The following CMIP variants were observed in gnomAD, a reference collection of about 807,000 sequenced individuals.
The protein encoded by CMIP is C-Maf-inducing protein.
Under a neutral mutation model 97.3 loss-of-function variants are expected in CMIP, and 13 were observed. The observed-to-expected ratio is 0.13, with a 90% CI of 0.09 to 0.21. The LOEUF is 0.21. Ranked by LOEUF, CMIP falls within the 10% of genes least tolerant of loss-of-function variation. The probability of loss-of-function intolerance (pLI) is 1.00; values close to 1 mark genes in which losing one functional copy is unlikely to be tolerated. For missense variants in CMIP, 847 were observed against 1,024.9 expected (o/e 0.83, Z 2.37); for synonymous variants, 538 against 436.3 (o/e 1.23, Z -2.91).
chr16:81,520,301 C>T (rs1274581536), intron 1 of CMIP: 1 of 152,166 alleles, frequency 6.6e-6, no homozygotes, highest in East Asian at 1.9e-4. Context: ...TGGTTTCTAC[C>T]TCAGAGACTC....
chr16:81,514,333 G>A (rs2089870005), intron 1 of CMIP, among the ~76,000 whole-genome samples: 1 of 152,122 alleles, frequency 6.6e-6, no homozygotes, highest in South Asian at 2.1e-4. Context: ...TCAGGGTGAG[G>A]GAAGCTTCCA....
rs181286885 is a variant in CMIP at position 81,554,764 on chromosome 16, G to A, written c.301-52803G>A. ...CTCAGTTCTTTGTCTGTAGAATGGA[G>A]ATAATCGTTATATCTGGTAAGACTC... On this transcript the variant is annotated intron_variant, in intron 1 of 20. Transcript: ENST00000537098. Among the ~76,000 whole-genome samples the A allele has an allele frequency of 2.1e-3, 326 of 152,346 alleles. 1 individual carries two copies. The highest frequency in any genetic ancestry group is 3.4e-3 in the Non-Finnish European group (229 of 68,030).
intron 1 of CMIP, among the ~76,000 whole-genome samples, chr16:81,581,716 G>T (rs1327845557): frequency 6.6e-6 from 1 of 152,200 alleles, no homozygotes; most frequent in East Asian, 1.9e-4. Context: ...CCCTGAGGTT[G>T]CTACAGAGGG....
chr16:81,650,542 A>AT (rs1301406420), intron 3 of CMIP, among the ~76,000 whole-genome samples: 2 of 152,160 alleles, frequency 1.3e-5, no homozygotes, highest in Non-Finnish European at 2.9e-5. Context: ...ACCAGTGGCA[A>AT]TGAGTATATC....
intron 11 of CMIP, among the ~76,000 whole-genome samples, chr16:81,692,533 G>A (rs534283841): frequency 6.6e-6 from 1 of 152,376 alleles, no homozygotes; most frequent in East Asian, 1.9e-4. Flanking sequence ...GGCTCTCGAA[G>A]GAGCCGATTA....
At position 81,694,192 on chromosome 16, in the gene CMIP, G is replaced by A. The variant is rs534397117; in HGVS notation, c.1530+705G>A. On this transcript the variant is annotated intron_variant, in intron 13 of 20. Transcript: ENST00000537098. Reference sequence around the variant, plus strand: ...CTGGTCCACGACTGAGGCAAGATTCGAGCCTGGTGCTGATAACCATCTCAC... The same window carrying A: ...CTGGTCCACGACTGAGGCAAGATTCAAGCCTGGTGCTGATAACCATCTCAC... 5.3e-5 allele frequency among the ~76,000 whole-genome samples: 8 copies of A among 152,288 alleles called. No individual in the cohort carries two copies. In the South Asian group the frequency reaches 8.3e-4, roughly 16 times the overall value.
At chr16:81,706,657 G>A (rs1018078083) in intron 19 of CMIP, among the ~76,000 whole-genome samples, 12 of 152,322 alleles carry the variant, frequency 7.9e-5, no homozygotes, top group African/African-American at 2.9e-4. Flanking sequence ...GACGACGGGG[G>A]GACCATCCGG....
intron 10 of CMIP, among the ~76,000 whole-genome samples, chr16:81,689,621 G>A (rs1345585776): frequency 6.6e-6 from 1 of 152,160 alleles, no homozygotes; most frequent in Non-Finnish European, 1.5e-5. Context: ...TCACTCTGAT[G>A]GTGGTTTCTT....
intron 1 of CMIP, among the ~76,000 whole-genome samples, chr16:81,467,285 A>G (rs1402651211): frequency 1.3e-5 from 2 of 152,182 alleles, no homozygotes; most frequent in African/African-American, 2.4e-5. Flanking sequence ...GAGGCGCTTG[A>G]CAACCTTCTG....
At chr16:81,642,796 G>A (rs758449818) in intron 3 of CMIP, among the ~76,000 whole-genome samples, 21 of 152,044 alleles carry the variant, frequency 1.4e-4, no homozygotes, top group Non-Finnish European at 2.2e-4. Flanking sequence ...CTCGGGAGGC[G>A]GAGGCAGGAG....
rs763791369 is a variant in CMIP at position 81,506,050 on chromosome 16, A to G, written c.300+60509A>G. On this transcript the variant is annotated intron_variant, in intron 1 of 20. Coordinates refer to ENST00000537098, the MANE Select transcript of CMIP (RefSeq NM_198390.3). Reference sequence around the variant, plus strand: ...AAGAACTGCCGTTCATTGAGTGCTTATTACATGCTGTCACATTGCTGAGCA... The same window carrying G: ...AAGAACTGCCGTTCATTGAGTGCTTGTTACATGCTGTCACATTGCTGAGCA... Among the ~76,000 whole-genome samples, 24 of 152,230 alleles carry G rather than the reference A, an allele frequency of 1.6e-4. 1 individual carries two copies. The highest frequency in any genetic ancestry group is 7.3e-5 in the Non-Finnish European group (5 of 68,036).
At chr16:81,672,701 G>A (rs560797623) in intron 9 of CMIP, among the ~76,000 whole-genome samples, 14 of 152,180 alleles carry the variant, frequency 9.2e-5, no homozygotes, top group South Asian at 2.1e-4. Flanking sequence ...TCAGCCTCCC[G>A]AGTAGCTAGG....
chr16:81,651,427 G>C (rs1023788084), intron 3 of CMIP: 1 of 974,498 alleles, frequency 1.0e-6, no homozygotes, highest in Non-Finnish European at 1.2e-6. Context: ...CCCAAGCAAA[G>C]GTGAGAGCAC....
intron 7 of CMIP, among the ~76,000 whole-genome samples, chr16:81,669,309 C>T (rs1336339407): frequency 3.1e-5 from 2 of 63,652 alleles, no homozygotes; most frequent in Non-Finnish European, 6.5e-5. Flanking sequence ...CTCACACTCA[C>T]CTCCTTCCAC....
At chr16:81,530,676 G>A (rs1409558633) in intron 1 of CMIP, among the ~76,000 whole-genome samples, 2 of 152,206 alleles carry the variant, frequency 1.3e-5, no homozygotes, top group East Asian at 1.9e-4. Context: ...CTGGGTGCCC[G>A]CGTGGCTGCT....
chr16:81,617,023 G>C (rs1406097569), intron 2 of CMIP: 1 of 152,364 alleles, frequency 6.6e-6, no homozygotes, highest in Non-Finnish European at 1.5e-5. Flanking sequence ...GGCAGGGCCA[G>C]AACCATCTGG....
At chr16:81,590,244 A>G (rs1381628506) in intron 1 of CMIP, among the ~76,000 whole-genome samples, 9 of 122,430 alleles carry the variant, frequency 7.4e-5, no homozygotes, top group Non-Finnish European at 1.6e-4. Flanking sequence ...CCTCCCTCCC[A>G]TTCCTTCCCT....
chr16:81,701,881 T>G lies in CMIP; in HGVS notation c.1896+81T>G. The G allele has an allele frequency of 2.6e-6, 4 of 1,558,800 alleles. No individual in the cohort carries two copies. The South Asian group carries it at 4.5e-5, about 17-fold the overall frequency. On this transcript the variant is annotated intron_variant, in intron 16 of 20. Transcript: ENST00000537098. ...GGGCGGGATGCGGGGCAGCTAGTAC[T>G]TGGACCTGAGTGGACCTCAATCTCG...
intron 1 of CMIP, among the ~76,000 whole-genome samples, chr16:81,542,842 G>T (rs76606539): frequency 2.0e-5 from 3 of 152,180 alleles, no homozygotes; most frequent in Admixed American, 6.5e-5. Context: ...CACATTGCAG[G>T]GTCGGGGGTT....
Sources: gnomAD v4.1 joint callset for allele counts (sites outside exome capture counted in the v4.1 genomes callset) on GRCh38, gnomAD v4.1.1 for gene constraint, MANE v1.5 for transcripts, NCBI Gene and HGNC (gene_info 2026-07-23, HGNC 2026-07-21) for gene names.